The following RAB10 variants were observed in gnomAD, a reference collection of about 807,000 sequenced individuals.
RAB10 encodes RAB10, member RAS oncogene family.
Under a neutral mutation model 25.7 loss-of-function variants are expected in RAB10, and 5 were observed. That is an observed-to-expected ratio of 0.19 (90% CI 0.10 to 0.41). The LOEUF (loss-of-function observed/expected upper bound fraction) is 0.41. Ranked by LOEUF, RAB10 falls within the 10% of genes least tolerant of loss-of-function variation. The pLI is 1.00. For missense variants in RAB10, 103 were observed against 245.8 expected (o/e 0.42, Z 3.89); for synonymous variants, 89 against 86.4 (o/e 1.03, Z -0.16).
chr2:26,134,108 C>T (rs940985458), intron 5 of RAB10, among the ~76,000 whole-genome samples: 10 of 151,984 alleles, frequency 6.6e-5, no homozygotes, highest in African/African-American at 1.4e-4. Flanking sequence ...TGGGGTTTTT[C>T]GGTGTTTTTA....
intron 3 of RAB10, among the ~76,000 whole-genome samples, chr2:26,116,758 G>A (rs1396293265): frequency 1.3e-5 from 2 of 151,700 alleles, no homozygotes; most frequent in African/African-American, 2.4e-5. Flanking sequence ...GGGTTTCAAC[G>A]TGTTAGCCAG....
At chr2:26,041,670 C>T (rs1322538649) in intron 1 of RAB10, among the ~76,000 whole-genome samples, 2 of 151,760 alleles carry the variant, frequency 1.3e-5, no homozygotes. Context: ...CTTTGGGAGA[C>T]CGAGGCGGGC....
intron 1 of RAB10, among the ~76,000 whole-genome samples, chr2:26,043,165 G>A (rs892529540): frequency 3.9e-5 from 6 of 152,092 alleles, no homozygotes; most frequent in Non-Finnish European, 2.9e-5. Context: ...GGTGGCTTAT[G>A]CCCGTAAATC....
chr2:26,132,350 T>C (rs552059063), intron 5 of RAB10, among the ~76,000 whole-genome samples: 37 of 152,284 alleles, frequency 2.4e-4, no homozygotes, highest in African/African-American at 8.7e-4. Context: ...GCCTCCCAGG[T>C]TCAAGAGATT....
chr2:26,084,504 G>A (rs1241838234), intron 1 of RAB10, among the ~76,000 whole-genome samples: 3 of 152,070 alleles, frequency 2.0e-5, no homozygotes, highest in African/African-American at 7.2e-5. Context: ...TTATGTTTTG[G>A]TACATGGTAC....
At chr2:26,037,702 G>C (rs944530308) in intron 1 of RAB10, among the ~76,000 whole-genome samples, 2 of 152,028 alleles carry the variant, frequency 1.3e-5, no homozygotes, top group Admixed American at 6.6e-5. Flanking sequence ...GGATTTTAGG[G>C]GTTAGTGAGA....
At chr2:26,122,963 G>A (rs568102552) in intron 3 of RAB10, among the ~76,000 whole-genome samples, 1 of 152,270 alleles carries the variant, frequency 6.6e-6, no homozygotes, top group East Asian at 1.9e-4. Context: ...AGGGAATTAA[G>A]GCAGGAAGGG....
At chr2:26,084,712 C>CTTTCAT (rs33943410) in intron 1 of RAB10, among the ~76,000 whole-genome samples, 1 of 6,458 alleles carries the variant, frequency 1.5e-4, no homozygotes, top group Non-Finnish European at 3.1e-4. Context: ...TTTACCCCTT[C>CTTTCAT]AGTTTCAGTC....
In RAB10 at chr2:26,127,867, T is replaced by G. The variant is rs1278153284; in HGVS notation, c.435T>G (p.Gly145=). The change falls in exon 5 of 6, where the codon GGT becomes GGG. Residue 145 remains glycine (G), a synonymous_variant. Transcript: ENST00000264710. ...TGTTTTAGATTGCAAGGGAGCATGGTATTAGGTTTTTTGAGACTAGTGCAA... is the reference window on the plus strand; with the variant it reads ...TGTTTTAGATTGCAAGGGAGCATGGGATTAGGTTTTTTGAGACTAGTGCAA... ...GKGEQIAREH[G]IRFFETSAKA... The G allele has an allele frequency of 1.6e-5, 25 of 1,603,702 alleles. No individual in the cohort carries two copies. The highest frequency in any genetic ancestry group is 2.1e-5 in the Non-Finnish European group (24 of 1,170,644).
Position 26,135,128 on chromosome 2 carries a change from C to A in RAB10, c.*107C>A. On this transcript the variant is annotated 3_prime_UTR_variant, in exon 6 of 6. Coordinates refer to ENST00000264710, the MANE Select transcript of RAB10 (RefSeq NM_016131.5). ...ACTCTAAACAGATATTTTTGTTTCT[C>A]ATCTTAACTATCCAAGCCACCTATT... 1 of 797,738 alleles carries A rather than the reference C, an allele frequency of 1.3e-6. No homozygotes were observed. The highest frequency in any genetic ancestry group is 2.4e-5 in the South Asian group (1 of 42,240). 49.4% of individuals were successfully genotyped at this position (797,738 alleles called of 1,614,324 possible).
chr2:26,051,359 TGCCCC>T (rs1336090221), intron 1 of RAB10, among the ~76,000 whole-genome samples: 15 of 11,406 alleles, frequency 1.3e-3, no homozygotes, highest in African/African-American at 2.3e-3. Flanking sequence ...CCTCCCTTTT[TGCCCC>T]CCCCCCCCCC....
At chr2:26,126,373 T>A (rs1667903297) in intron 3 of RAB10, among the ~76,000 whole-genome samples, 1 of 151,872 alleles carries the variant, frequency 6.6e-6, no homozygotes, top group Non-Finnish European at 1.5e-5. Flanking sequence ...AGGCCAGGAG[T>A]TCGCGATCAG....
chr2:26,099,154 A>G (rs1185349656), intron 2 of RAB10, among the ~76,000 whole-genome samples: 1 of 152,126 alleles, frequency 6.6e-6, no homozygotes, highest in African/African-American at 2.4e-5. Flanking sequence ...CAAACCTTTG[A>G]ATTTGTATTT....
At chr2:26,076,548 TTAGA>T (rs1482063654) in intron 1 of RAB10, among the ~76,000 whole-genome samples, 3 of 152,118 alleles carry the variant, frequency 2.0e-5, no homozygotes, top group Admixed American at 6.5e-5. Context: ...CCCCAAAGTA[TTAGA>T]TAGTGGAGGT....
At chr2:26,061,092 CTTTT>C (rs5829993) in intron 1 of RAB10, among the ~76,000 whole-genome samples, 9 of 83,632 alleles carry the variant, frequency 1.1e-4, no homozygotes, top group African/African-American at 3.6e-4. Flanking sequence ...TTATCTCTGT[CTTTT>C]TTTTTTTTTT....
chr2:26,056,572 ATC>A (rs1332354299), intron 1 of RAB10, among the ~76,000 whole-genome samples: 3 of 152,118 alleles, frequency 2.0e-5, no homozygotes, highest in African/African-American at 7.2e-5. Flanking sequence ...TCTTTTATCA[ATC>A]TCTGAGTACA....
At chr2:26,093,286 T>A (rs1174431523) in intron 1 of RAB10, among the ~76,000 whole-genome samples, 1 of 152,196 alleles carries the variant, frequency 6.6e-6, no homozygotes, top group African/African-American at 2.4e-5. Flanking sequence ...CCAGAATATT[T>A]GGACCAAAAA....
chr2:26,115,316 C>CAA (rs11355375), intron 3 of RAB10, among the ~76,000 whole-genome samples: 9 of 148,704 alleles, frequency 6.1e-5, no homozygotes, highest in Admixed American at 1.3e-4. Context: ...TCACAATAGC[C>CAA]AAAAAAAAAA....
chr2:26,061,019 AT>A (rs1666382157), intron 1 of RAB10, among the ~76,000 whole-genome samples: 1 of 140,134 alleles, frequency 7.1e-6, no homozygotes, highest in African/African-American at 2.6e-5. Flanking sequence ...AAATAACTTG[AT>A]TTGCTTCTTT....
Sources: gnomAD v4.1 joint callset for allele counts (sites outside exome capture counted in the v4.1 genomes callset) on GRCh38, gnomAD v4.1.1 for gene constraint, MANE v1.5 for transcripts, NCBI Gene and HGNC (gene_info 2026-07-23, HGNC 2026-07-21) for gene names.